TRIM5: variants seen among roughly 807,000 people sequenced by gnomAD.
The protein encoded by TRIM5 is tripartite motif containing 5, also known as tripartite motif-containing protein 5.
In TRIM5, 31 loss-of-function variants were observed where a neutral mutation model predicts 35.6. The observed-to-expected ratio is 0.87, with a 90% CI of 0.65 to 1.18. TRIM5 has a LOEUF of 1.18. TRIM5 is among the 50% of genes most tolerant of loss of function. The probability of loss-of-function intolerance (pLI) is 0.00; values close to 1 mark genes in which losing one functional copy is unlikely to be tolerated. For synonymous variants in TRIM5, 243 were observed against 215.6 expected (o/e 1.13, Z -1.11); for missense variants, 609 against 591.6 (o/e 1.03, Z -0.31).
chr11:5,605,701 C>T, the TRIM5 span: 5 of 1,077,080 alleles, frequency 4.6e-6, no homozygotes, highest in Non-Finnish European at 6.5e-6. Context: ...AGTGCCTATC[C>T]CCTATTAAAC....
chr11:5,641,701 ATAAT>A, the TRIM5 span, among the ~76,000 whole-genome samples: 1 of 152,188 alleles, frequency 6.6e-6, no homozygotes, highest in African/African-American at 2.4e-5. Context: ...TCTGGTGATG[ATAAT>A]TAATCTCTGC....
downstream of TRIM5, among the ~76,000 whole-genome samples, chr11:5,660,599 A>G (rs1850780324): frequency 6.6e-6 from 1 of 152,148 alleles, no homozygotes; most frequent in African/African-American, 2.4e-5. Flanking sequence ...ATCTTTAACT[A>G]TATGTTAAAT....
At chr11:5,657,919 T>A in the TRIM5 span, among the ~76,000 whole-genome samples, 3,249 of 150,782 alleles carry the variant, frequency 0.022, 116 homozygotes, top group African/African-American at 0.075. Flanking sequence ...TCTGGCAAAA[T>A]CCTTTTATTT....
At chr11:5,654,440 T>G in the TRIM5 span, among the ~76,000 whole-genome samples, 1 of 152,198 alleles carries the variant, frequency 6.6e-6, no homozygotes, top group South Asian at 2.1e-4. Context: ...GTCTGCAAAT[T>G]TCTCAATTGC....
Position 5,667,725 on chromosome 11 carries a change from A to T in TRIM5, c.745-14T>A. On this transcript the variant is annotated splice_polypyrimidine_tract_variant and intron_variant, in intron 4 of 7. Coordinates refer to ENST00000380034, the MANE Select transcript of TRIM5 (RefSeq NM_033034.3). Reference sequence around the variant, plus strand: ...GCCATCCACACCCTAGGAAGAAGAGAGAAAACATCAATTAAGAAAGAAAGA... The same window carrying T: ...GCCATCCACACCCTAGGAAGAAGAGTGAAAACATCAATTAAGAAAGAAAGA... The T allele has an allele frequency of 6.2e-7, 1 of 1,613,110 alleles. No homozygotes were observed. Among genetic ancestry groups the T allele is most frequent in the Non-Finnish European group, 8.5e-7 (1 of 1,179,708 alleles).
chr11:5,666,079 G>C lies in TRIM5; in HGVS notation c.770C>G (p.Thr257Arg), dbSNP rs373221898. 1.9e-6 allele frequency: 3 copies of C among 1,565,888 alleles called. No homozygotes were observed. Among genetic ancestry groups the C allele is most frequent in the Non-Finnish European group, 2.6e-6 (3 of 1,160,728 alleles). ...LQGVDGVIKRTENVTLKKPET... is the reference protein window; with the variant it reads ...LQGVDGVIKRRENVTLKKPET... ...TGGCTTCTTCAAGGTCACGTTCTCC[G>C]TCCTAAGAATTAAAAAAAAAAAAAA... Residue 257 changes from threonine to arginine, a missense_variant and splice_region_variant, in exon 6 of 8, where the codon ACG (threonine) becomes AGG (arginine). Coordinates refer to ENST00000380034, the MANE Select transcript of TRIM5 (RefSeq NM_033034.3).
At chr11:5,651,168 T>G in the TRIM5 span, among the ~76,000 whole-genome samples, 2 of 152,240 alleles carry the variant, frequency 1.3e-5, no homozygotes, top group African/African-American at 2.4e-5. Flanking sequence ...TGCAACAATT[T>G]CCTTTTCACT....
At position 5,680,010 on chromosome 11, in the gene TRIM5, A is replaced by G; in HGVS notation, c.168T>C (p.Pro56=). 6.2e-7 allele frequency: 1 copy of G among 1,614,138 alleles called. No individual in the cohort carries two copies. The highest frequency in any genetic ancestry group is 8.5e-7 in the Non-Finnish European group (1 of 1,180,000). The change falls in exon 2 of 8, where the codon CCT becomes CCC. Residue 56 remains proline, a synonymous_variant. Transcript: ENST00000380034. ...SMLDKGESSC[P]VCRISYQPEN... ...CAGGCTGGTAACTGATCCGGCACAC[A>G]GGGCAGCTACTCTCTCCTTTGTCTA...
At chr11:5,677,436 T>C (rs924036365) in intron 4 of TRIM5, among the ~76,000 whole-genome samples, 3 of 152,182 alleles carry the variant, frequency 2.0e-5, no homozygotes, top group African/African-American at 7.2e-5. Context: ...ATGGCAATCA[T>C]TAAAAAGTCT....
chr11:5,680,082 G>T lies in TRIM5; in HGVS notation c.96C>A (p.His32Gln). 5 of 1,614,170 alleles carry T rather than the reference G, an allele frequency of 3.1e-6. No homozygotes were observed. In the South Asian group the frequency reaches 5.5e-5, roughly 18 times the overall value. The change falls in exon 2 of 8, where the codon CAC becomes CAA. Residue 32 changes from histidine to glutamine, a missense_variant. Coordinates refer to ENST00000380034, the MANE Select transcript of TRIM5 (RefSeq NM_033034.3). Reference sequence around the variant, plus strand: ...CAGTGAGGCATGCTTGGCAGAAGCTGTGGCCGCAGTCCAGGCTCAGGGGTT... The same window carrying T: ...CAGTGAGGCATGCTTGGCAGAAGCTTTGGCCGCAGTCCAGGCTCAGGGGTT... Reference protein sequence around the residue: ...LTQPLSLDCGHSFCQACLTAN... With the variant: ...LTQPLSLDCGQSFCQACLTAN...
At chr11:5,670,219 C>T (rs1178255861) in intron 4 of TRIM5, among the ~76,000 whole-genome samples, 2 of 139,436 alleles carry the variant, frequency 1.4e-5, no homozygotes, top group East Asian at 2.1e-4. Context: ...ACTCTGTCAC[C>T]CAGGCTGGAG....
Position 5,667,667 on chromosome 11 carries a change from A to G in TRIM5, c.767+22T>C, listed in dbSNP as rs772106847. On this transcript the variant is annotated intron_variant, in intron 5 of 7. Coordinates refer to ENST00000380034, the MANE Select transcript of TRIM5 (RefSeq NM_033034.3). ...TCTCTCCTCACTGCACAAAAGGACCATCTCTGTCCTCCCACACATACCTTT... is the reference window on the plus strand; with the variant it reads ...TCTCTCCTCACTGCACAAAAGGACCGTCTCTGTCCTCCCACACATACCTTT... The G allele has an allele frequency of 2.5e-6, 4 of 1,612,522 alleles. No individual in the cohort carries two copies. The African/African-American group carries it at 4.0e-5, about 16-fold the overall frequency.
chr11:5,599,893 C>T, the TRIM5 span, among the ~76,000 whole-genome samples: 2 of 152,118 alleles, frequency 1.3e-5, no homozygotes, highest in African/African-American at 4.8e-5. Flanking sequence ...TAAATAGAGC[C>T]TCTATTGCCT....
chr11:5,592,700 T>G, the TRIM5 span, among the ~76,000 whole-genome samples: 110 of 152,150 alleles, frequency 7.2e-4, 1 homozygote, highest in African/African-American at 2.5e-3. Context: ...GTGGATCGCT[T>G]GAGTCCAGGA....
At chr11:5,637,041 C>T in the TRIM5 span, among the ~76,000 whole-genome samples, 3 of 152,122 alleles carry the variant, frequency 2.0e-5, no homozygotes, top group East Asian at 3.8e-4. Flanking sequence ...CTGGTGATGG[C>T]GGCTGCCTGT....
At chr11:5,606,346 T>C in the TRIM5 span, among the ~76,000 whole-genome samples, 1 of 152,210 alleles carries the variant, frequency 6.6e-6, no homozygotes, top group Non-Finnish European at 1.5e-5. Flanking sequence ...GGACTTGAAC[T>C]GAGGTTGAAA....
intron 4 of TRIM5, among the ~76,000 whole-genome samples, chr11:5,668,181 G>A (rs1163258418): frequency 6.6e-6 from 1 of 152,090 alleles, no homozygotes; most frequent in East Asian, 1.9e-4. Flanking sequence ...AGATGAGGTG[G>A]GAGAATTTGA....
chr11:5,637,385 G>A, the TRIM5 span, among the ~76,000 whole-genome samples: 1 of 152,168 alleles, frequency 6.6e-6, no homozygotes, highest in Non-Finnish European at 1.5e-5. Context: ...GAACGATCTA[G>A]ACAGAAAGAC....
At position 5,663,444 on chromosome 11, in the gene TRIM5, G is replaced by A; in HGVS notation, c.*1365C>T. 1 of 985,206 alleles carries A rather than the reference G, an allele frequency of 1.0e-6. No homozygotes were observed. The highest frequency in any genetic ancestry group is 1.2e-6 in the Non-Finnish European group (1 of 829,776). The allele number at this position is 985,206 out of a possible 1,614,324, so 61.0% of individuals were successfully genotyped here. On this transcript the variant is annotated 3_prime_UTR_variant, in exon 8 of 8. Coordinates refer to ENST00000380034, the MANE Select transcript of TRIM5 (RefSeq NM_033034.3). ...CTGAGATCTAAAAAATGAGAATTTA[G>A]TAAATCCAATCCTAGTTTCCCTGAA...
Sources: allele counts gnomAD v4.1 joint callset (sites outside exome capture counted in the v4.1 genomes callset), GRCh38; gene constraint gnomAD v4.1.1; transcripts MANE v1.5; gene names NCBI Gene and HGNC (gene_info 2026-07-23, HGNC 2026-07-21).